Variants in CPEB3 observed in about 807,000 individuals in gnomAD.
The protein encoded by CPEB3 is cytoplasmic polyadenylation element binding protein 3, also known as cytoplasmic polyadenylation element-binding protein 3.
A neutral mutation model predicts 67.2 loss-of-function variants in CPEB3; 20 were observed. That is an observed-to-expected ratio of 0.30 (90% CI 0.21 to 0.43). CPEB3 has a LOEUF of 0.43. CPEB3 is among the 20% of genes least tolerant of loss of function. CPEB3 has a pLI of 1.00. For missense variants in CPEB3, 746 were observed against 968.6 expected (o/e 0.77, Z 3.05); for synonymous variants, 376 against 393.1 (o/e 0.96, Z 0.51).
chr10:92,082,269 T>C (rs1843184834), intron 8 of CPEB3, among the ~76,000 whole-genome samples: 2 of 74,940 alleles, frequency 2.7e-5, no homozygotes, highest in Non-Finnish European at 4.8e-5. Flanking sequence ...TATGCCTTTG[T>C]TTGTTTGTTT....
At chr10:92,202,626 T>C (rs1849570781) in intron 2 of CPEB3, among the ~76,000 whole-genome samples, 1 of 151,594 alleles carries the variant, frequency 6.6e-6, no homozygotes, top group Non-Finnish European at 1.5e-5. Flanking sequence ...TCACAAAAAA[T>C]TACATATGAT....
At chr10:92,263,462 G>A (rs961135867) in intron 1 of CPEB3, among the ~76,000 whole-genome samples, 2 of 152,170 alleles carry the variant, frequency 1.3e-5, no homozygotes, top group South Asian at 2.1e-4. Flanking sequence ...GGATGAGATC[G>A]TCCAGTGGAT....
intron 9 of CPEB3, among the ~76,000 whole-genome samples, chr10:92,070,263 TATA>T (rs1274958803): frequency 6.6e-6 from 1 of 152,210 alleles, no homozygotes; most frequent in East Asian, 1.9e-4. Flanking sequence ...TATGAAAGAT[TATA>T]ATATGTCATA....
chr10:92,138,250 G>A (rs755805360), intron 6 of CPEB3: 1 of 222,568 alleles, frequency 4.5e-6, no homozygotes, highest in Non-Finnish European at 9.5e-6. Context: ...TGGATGGTTT[G>A]GCCATAAGGG....
chr10:92,240,066 C>A lies in CPEB3; in HGVS notation c.285G>T (p.Glu95Asp). 1 of 1,590,754 alleles carries A rather than the reference C, an allele frequency of 6.3e-7. No individual in the cohort carries two copies. The highest frequency in any genetic ancestry group is 8.6e-7 in the Non-Finnish European group (1 of 1,168,658). ...ACAGCGACGCGCCCGGTGCCGCGGG[C>A]TCCTGAGGCGGCGGCGGCTGCTGAG... ...QPPQQPPPPQ[E>D]PAAPGASLSP... The change falls in exon 2 of 10, where the codon GAG (glutamate) becomes GAT (aspartate). Residue 95 changes from glutamate to aspartate, a missense_variant. By Grantham distance (45) the Glu-to-Asp change is conservative. Transcript: ENST00000265997.
chr10:92,261,273 T>C (rs1013260643), intron 1 of CPEB3, among the ~76,000 whole-genome samples: 3 of 152,146 alleles, frequency 2.0e-5, no homozygotes, highest in African/African-American at 7.2e-5. Flanking sequence ...TGAAAGACAG[T>C]ATAGACAGGA....
At chr10:92,178,289 T>A (rs966464817) in intron 4 of CPEB3, among the ~76,000 whole-genome samples, 1 of 151,764 alleles carries the variant, frequency 6.6e-6, no homozygotes, top group Non-Finnish European at 1.5e-5. Context: ...CTCCTGAGCA[T>A]CTGGGATCAC....
At chr10:92,106,441 C>T (rs780821011) in intron 7 of CPEB3, among the ~76,000 whole-genome samples, 4 of 151,960 alleles carry the variant, frequency 2.6e-5, no homozygotes, top group East Asian at 1.9e-4. Context: ...GTAACATTCA[C>T]GATACATGAT....
intron 7 of CPEB3, among the ~76,000 whole-genome samples, chr10:92,104,997 C>A (rs962931461): frequency 7.2e-5 from 11 of 151,730 alleles, no homozygotes; most frequent in Non-Finnish European, 1.6e-4. Context: ...GACTCCTGAC[C>A]TCAAGCAATC....
intron 2 of CPEB3, among the ~76,000 whole-genome samples, chr10:92,207,638 G>A (rs543371322): frequency 2.6e-5 from 4 of 152,186 alleles, no homozygotes; most frequent in African/African-American, 7.2e-5. Context: ...TTGGGAGGCC[G>A]AGGCTGGCAG....
chr10:92,179,958 G>A (rs548275186), intron 4 of CPEB3, among the ~76,000 whole-genome samples: 1 of 152,328 alleles, frequency 6.6e-6, no homozygotes, highest in African/African-American at 2.4e-5. Flanking sequence ...TGTGTATTGA[G>A]AGTCAGCTTG....
intron 9 of CPEB3, among the ~76,000 whole-genome samples, chr10:92,058,592 C>CATACATACATACAT (rs534976355): frequency 1.4e-5 from 2 of 140,384 alleles, no homozygotes; most frequent in Non-Finnish European, 3.0e-5. Flanking sequence ...TACATACATA[C>CATACATACATACAT]ATATATATAT....
At chr10:92,249,894 C>T (rs1393460420) in intron 1 of CPEB3, among the ~76,000 whole-genome samples, 1 of 147,272 alleles carries the variant, frequency 6.8e-6, no homozygotes, top group Non-Finnish European at 1.5e-5. Flanking sequence ...TGGTGGCAGG[C>T]ACCTGTAGTC....
At chr10:92,210,407 C>T (rs983887609) in intron 2 of CPEB3, among the ~76,000 whole-genome samples, 2 of 152,142 alleles carry the variant, frequency 1.3e-5, no homozygotes, top group East Asian at 3.8e-4. Context: ...AGGCAGCAAA[C>T]TATGAAACTG....
At chr10:92,252,931 CT>C (rs35185549) in intron 1 of CPEB3, among the ~76,000 whole-genome samples, 11 of 148,860 alleles carry the variant, frequency 7.4e-5, no homozygotes, top group Admixed American at 2.7e-4. Context: ...CTTAAAGTTC[CT>C]TTTTTTTTTG....
At chr10:92,271,298 CTTATA>C (rs1438660374) in intron 1 of CPEB3, among the ~76,000 whole-genome samples, 1 of 152,166 alleles carries the variant, frequency 6.6e-6, no homozygotes, top group Non-Finnish European at 1.5e-5. Context: ...GTTAACAAAT[CTTATA>C]TTATCATGGT....
intron 8 of CPEB3, among the ~76,000 whole-genome samples, chr10:92,084,000 G>A (rs1351356346): frequency 6.6e-6 from 1 of 151,986 alleles, no homozygotes; most frequent in Admixed American, 6.6e-5. Flanking sequence ...TGGCTAACAC[G>A]GTGAAACCCC....
chr10:92,122,207 A>C (rs941226685), intron 6 of CPEB3, among the ~76,000 whole-genome samples: 11 of 152,260 alleles, frequency 7.2e-5, no homozygotes, highest in African/African-American at 2.7e-4. Context: ...TTGTCCAAAC[A>C]TCAGGGAACA....
intron 1 of CPEB3, among the ~76,000 whole-genome samples, chr10:92,270,694 C>T (rs1853269549): frequency 6.6e-6 from 1 of 151,264 alleles, no homozygotes. Context: ...TCCCAAGTAG[C>T]TGGGACTACA....
Sources: gnomAD v4.1 joint callset for allele counts (sites outside exome capture counted in the v4.1 genomes callset) on GRCh38, gnomAD v4.1.1 for gene constraint, MANE v1.5 for transcripts, NCBI Gene and HGNC (gene_info 2026-07-23, HGNC 2026-07-21) for gene names.